TAF3: variants seen among roughly 807,000 people sequenced by gnomAD.
TAF3 encodes the protein transcription initiation factor TFIID subunit 3.
TAF3 carries 7 observed loss-of-function variants against 80.6 expected under a neutral mutation model. The ratio of observed to expected loss-of-function variants is 0.09; its 90% CI spans 0.05 to 0.16. The LOEUF (loss-of-function observed/expected upper bound fraction) is 0.16, where lower values mean the gene tolerates loss of function less well. Ranked by LOEUF, TAF3 falls within the 10% of genes least tolerant of loss-of-function variation. TAF3 has a pLI of 1.00. For missense variants in TAF3, 921 were observed against 1,140.2 expected (o/e 0.81, Z 2.77); for synonymous variants, 444 against 446.1 (o/e 1.00, Z 0.06).
At chr10:7,837,006 C>T (rs967924149) in intron 2 of TAF3, among the ~76,000 whole-genome samples, 6 of 152,146 alleles carry the variant, frequency 3.9e-5, no homozygotes, top group Middle Eastern at 3.4e-3. Context: ...GCAGGAGGAT[C>T]GTTTGAGCCC....
At chr10:7,959,592 T>C (rs1450818257) in intron 2 of TAF3, among the ~76,000 whole-genome samples, 1 of 152,228 alleles carries the variant, frequency 6.6e-6, no homozygotes, top group East Asian at 1.9e-4. Context: ...AAGTTTTTTT[T>C]ACTGAAACAC....
At chr10:7,838,170 G>C (rs1836871150) in intron 2 of TAF3, among the ~76,000 whole-genome samples, 1 of 152,154 alleles carries the variant, frequency 6.6e-6, no homozygotes, top group Non-Finnish European at 1.5e-5. Flanking sequence ...GGGTTTAGTT[G>C]ACTCCGTTCA....
intron 4 of TAF3, among the ~76,000 whole-genome samples, chr10:7,994,825 A>T (rs1171631370): frequency 6.7e-6 from 1 of 149,994 alleles, no homozygotes; most frequent in Non-Finnish European, 1.5e-5. Flanking sequence ...AAAAAAAAAA[A>T]ATAGCTGGGT....
In TAF3 at chr10:7,964,455, C is replaced by T; in HGVS notation, c.945C>T (p.Ser315=). ...VSKEKKSPGR[S]KSPKSPKSPK... is the part of the protein sequence containing the mutation. ...AAGAAAAGAAATCACCTGGACGTTC[C>T]AAGAGCCCCAAGAGTCCCAAGAGCC... Residue 315 remains serine (S), a synonymous_variant, in exon 3 of 7, where the codon TCC becomes TCT. Coordinates refer to ENST00000344293, the MANE Select transcript of TAF3 (RefSeq NM_031923.4). The surrounding 1 kb of genome is among the most constrained non-coding windows in gnomAD (Gnocchi z 4.1). 6.2e-7 allele frequency: 1 copy of T among 1,613,704 alleles called. No individual in the cohort carries two copies. Among genetic ancestry groups the T allele is most frequent in the Non-Finnish European group, 8.5e-7 (1 of 1,179,938 alleles).
chr10:7,965,364 T>A lies in TAF3; in HGVS notation c.1854T>A (p.Asp618Glu). The change falls in exon 3 of 7, where the codon GAT becomes GAA. Residue 618 changes from aspartate to glutamate, a missense_variant. By Grantham distance (45) the Asp-to-Glu change is conservative (BLOSUM62 2). Around this residue, in one of 6 missense-constraint regions of TAF3, gnomAD observed 743 missense variants for 821.0 expected, o/e 0.90. Transcript: ENST00000344293. Reference protein sequence around the residue: ...LVRKEKEKHKDKKKDREKGKK... With the variant: ...LVRKEKEKHKEKKKDREKGKK... ...GGAAGGAGAAAGAGAAGCATAAAGA[T>A]AAGAAGAAAGATAGAGAGAAAGGCA... 6.2e-7 allele frequency: 1 copy of A among 1,604,580 alleles called. No individual in the cohort carries two copies. Among genetic ancestry groups the A allele is most frequent in the Non-Finnish European group, 8.5e-7 (1 of 1,177,612 alleles).
At chr10:7,821,915 C>T (rs1260050942) in intron 1 of TAF3, among the ~76,000 whole-genome samples, 1 of 152,096 alleles carries the variant, frequency 6.6e-6, no homozygotes, top group Non-Finnish European at 1.5e-5. Context: ...ATAAACTAAG[C>T]TGTCCAGGTG....
At chr10:7,911,425 A>G (rs1837655931) in intron 2 of TAF3, among the ~76,000 whole-genome samples, 1 of 152,272 alleles carries the variant, frequency 6.6e-6, no homozygotes, top group Admixed American at 6.5e-5. Flanking sequence ...GAAGATTGCA[A>G]GTCCTCTGCC....
intron 2 of TAF3, among the ~76,000 whole-genome samples, chr10:7,868,823 T>A (rs980881562): frequency 1.3e-5 from 2 of 152,174 alleles, no homozygotes; most frequent in Non-Finnish European, 2.9e-5. Flanking sequence ...CTGTTTTACT[T>A]ATAAGGCAAG....
At chr10:7,861,128 A>G (rs1461174591) in intron 2 of TAF3, among the ~76,000 whole-genome samples, 1 of 150,968 alleles carries the variant, frequency 6.6e-6, no homozygotes, top group African/African-American at 2.4e-5. Flanking sequence ...TGCCCGGCTA[A>G]TTTTTTTTTG....
chr10:7,995,990 G>T (rs897719588), intron 4 of TAF3, among the ~76,000 whole-genome samples: 1 of 152,144 alleles, frequency 6.6e-6, no homozygotes, highest in Non-Finnish European at 1.5e-5. Context: ...GCGTCTTAAG[G>T]ACTGGTACTC....
At chr10:7,863,180 T>C (rs1312780) in intron 2 of TAF3, among the ~76,000 whole-genome samples, 96,812 of 152,022 alleles carry the variant, frequency 0.64, 31,312 homozygotes, top group South Asian at 0.88. Context: ...GACACTGAGT[T>C]CTTTGCATTT....
At chr10:7,865,427 C>G (rs533852233) in intron 2 of TAF3, among the ~76,000 whole-genome samples, 5 of 152,040 alleles carry the variant, frequency 3.3e-5, no homozygotes, top group Non-Finnish European at 7.4e-5. Flanking sequence ...TGCAGTGAGC[C>G]GAGATCGCGC....
intron 3 of TAF3, among the ~76,000 whole-genome samples, chr10:7,967,045 A>G (rs1419208084): frequency 6.6e-6 from 1 of 152,156 alleles, no homozygotes; most frequent in Non-Finnish European, 1.5e-5. Context: ...CTCCTAACAC[A>G]CCTGTGACAT....
intron 2 of TAF3, among the ~76,000 whole-genome samples, chr10:7,925,769 A>T (rs1426520057): frequency 6.9e-6 from 1 of 144,492 alleles, no homozygotes; most frequent in Non-Finnish European, 1.5e-5. Context: ...ACTGCACTCC[A>T]GCCTGGGCAA....
intron 2 of TAF3, among the ~76,000 whole-genome samples, chr10:7,872,200 A>T (rs1031925149): frequency 7.0e-6 from 1 of 143,410 alleles, no homozygotes; most frequent in Non-Finnish European, 1.5e-5. Flanking sequence ...AACATGGTAG[A>T]AGTGTTGGGT....
chr10:7,970,131 A>G (rs1209161076), intron 3 of TAF3, among the ~76,000 whole-genome samples: 4 of 152,216 alleles, frequency 2.6e-5, no homozygotes, highest in Admixed American at 6.5e-5. Flanking sequence ...CACATATCCA[A>G]TAGTGTTGAT....
chr10:8,007,045 G>A (rs1444888014), intron 4 of TAF3, among the ~76,000 whole-genome samples: 1 of 152,186 alleles, frequency 6.6e-6, no homozygotes, highest in Non-Finnish European at 1.5e-5. Context: ...CATATTCCAT[G>A]GCCCAGAAAC....
chr10:7,932,495 A>T (rs1298348460), intron 2 of TAF3, among the ~76,000 whole-genome samples: 1 of 152,012 alleles, frequency 6.6e-6, no homozygotes, highest in African/African-American at 2.4e-5. Flanking sequence ...GAGGAGAGAG[A>T]TTGATTATGA....
chr10:7,921,549 A>C (rs1029576875), intron 2 of TAF3, among the ~76,000 whole-genome samples: 1 of 152,202 alleles, frequency 6.6e-6, no homozygotes, highest in South Asian at 2.1e-4. Flanking sequence ...TAAATAATAC[A>C]TAGCTCCTAG....
Sources: gnomAD v4.1 joint callset for allele counts (sites outside exome capture counted in the v4.1 genomes callset) on GRCh38, gnomAD v4.1.1 for gene constraint, gnomAD v4.1.1 regional missense constraint, Gnocchi (gnomAD v3.1) non-coding constraint, MANE v1.5 for transcripts, NCBI Gene and HGNC (gene_info 2026-07-23, HGNC 2026-07-21) for gene names.